SNRPD3: variants seen among roughly 807,000 people sequenced by gnomAD.
SNRPD3 encodes small nuclear ribonucleoprotein D3 polypeptide.
For missense variants in SNRPD3, 73 were observed against 167.5 expected, an observed-to-expected ratio of 0.44 and a Z score of 3.11; for synonymous variants, 66 against 58.4, an observed-to-expected ratio of 1.13 and a Z score of -0.59.
chr22:24,561,860 G>A (rs2045147229), intron 2 of SNRPD3, among the ~76,000 whole-genome samples: 1 of 150,906 alleles, frequency 6.6e-6, no homozygotes, highest in Non-Finnish European at 1.5e-5. Flanking sequence ...ATAGACGGAT[G>A]TGGTGGCACA....
chr22:24,557,473 A>G (rs1472140431), intron 1 of SNRPD3, among the ~76,000 whole-genome samples, 184 bp from the exon 2 acceptor site: 3 of 149,152 alleles, frequency 2.0e-5, no homozygotes, highest in African/African-American at 4.9e-5. Flanking sequence ...CATCTTGCAC[A>G]TATTTGCCAG....
chr22:24,557,996 A>G (rs1601563740), intron 2 of SNRPD3, 196 bp downstream of exon 2: 2 of 445,804 alleles, frequency 4.5e-6, no homozygotes, highest in East Asian at 3.9e-5. Context: ...TTGAGGCAGA[A>G]AAGCCATTTG....
Position 24,572,764 on chromosome 22 carries a change from A to G in SNRPD3, c.*787A>G, listed in dbSNP as rs1342914234. ...TGACAGAGCGAGACTGCACCTCAAA[A>G]AAAAAAAAGTAATTCAGGGGATCCT... On this transcript the variant is annotated 3_prime_UTR_variant, in exon 4 of 4. Coordinates refer to ENST00000215829, the MANE Select transcript of SNRPD3 (RefSeq NM_004175.5). The G allele has an allele frequency of 6.6e-6, 1 of 152,522 alleles. No homozygotes were observed. The highest frequency in any genetic ancestry group is 2.4e-5 in the African/African-American group (1 of 41,368). 9.4% of individuals were successfully genotyped at this position (152,522 alleles called of 1,614,324 possible).
At chr22:24,556,388 T>A (rs991727091) in intron 1 of SNRPD3, among the ~76,000 whole-genome samples, 2 of 151,402 alleles carry the variant, frequency 1.3e-5, no homozygotes, top group Non-Finnish European at 2.9e-5. Context: ...TTTTTTTTTT[T>A]TAAGTAGAGA....
At chr22:24,565,179 C>T (rs1400149083) in intron 2 of SNRPD3, among the ~76,000 whole-genome samples, 1 of 152,086 alleles carries the variant, frequency 6.6e-6, no homozygotes, top group Non-Finnish European at 1.5e-5. Context: ...ACCACTGTAC[C>T]TGGCCTGATT....
intron 1 of SNRPD3, among the ~76,000 whole-genome samples, chr22:24,557,259 A>G (rs2298386): frequency 0.73 from 110,983 of 152,082 alleles, 42,309 homozygotes; most frequent in East Asian, 0.85. Flanking sequence ...TCAAAACGTA[A>G]TCATCTACAA....
intron 3 of SNRPD3, among the ~76,000 whole-genome samples, chr22:24,571,478 C>T (rs2045248959): frequency 6.6e-6 from 1 of 152,124 alleles, no homozygotes; most frequent in Non-Finnish European, 1.5e-5. Context: ...TTGGCTTATG[C>T]TTGTAATCCT....
upstream of SNRPD3, chr22:24,555,782 T>C: frequency 6.5e-7 from 1 of 1,550,066 alleles, no homozygotes; most frequent in Non-Finnish European, 8.7e-7. Flanking sequence ...TCTGGCTCTT[T>C]GCCGGCCCCA....
chr22:24,558,605 G>A (rs956120827), intron 2 of SNRPD3, among the ~76,000 whole-genome samples: 8 of 152,134 alleles, frequency 5.3e-5, no homozygotes, highest in African/African-American at 1.9e-4. Flanking sequence ...GGTATTTATT[G>A]GGGGAAATGA....
rs531721176 is a variant in SNRPD3 at position 24,564,048 on chromosome 22, T to C, written c.127-3936T>C. Among the ~76,000 whole-genome samples, 13 of 152,338 alleles carry C rather than the reference T, an allele frequency of 8.5e-5. No individual in the cohort carries two copies. In the East Asian group the frequency reaches 2.5e-3, roughly 29 times the overall value. Reference sequence around the variant, plus strand: ...TTTTTTTTCCTGTACTGTTTGTGTGTGGATTGCATTCATCATGCTCCTCTA... The same window carrying C: ...TTTTTTTTCCTGTACTGTTTGTGTGCGGATTGCATTCATCATGCTCCTCTA... On this transcript the variant is annotated intron_variant, in intron 2 of 3. Coordinates refer to ENST00000215829, the MANE Select transcript of SNRPD3 (RefSeq NM_004175.5).
rs1416879641 is a variant in SNRPD3, at chr22:24,573,512, T to C, written c.*1535T>C. On this transcript the variant is annotated 3_prime_UTR_variant, in exon 4 of 4. Coordinates refer to ENST00000215829, the MANE Select transcript of SNRPD3 (RefSeq NM_004175.5). ...ATAAGCTTTGTCTTATGATACTACC[T>C]GGAGGTTACAGAGCTGGTATTCTGA... Among the ~76,000 whole-genome samples, 1 of 152,212 alleles carries C rather than the reference T, an allele frequency of 6.6e-6. No homozygotes were observed. Among genetic ancestry groups the C allele is most frequent in the Non-Finnish European group, 1.5e-5 (1 of 68,034 alleles).
chr22:24,555,653 A>T (rs1417007910), upstream of SNRPD3: 7 of 1,550,624 alleles, frequency 4.5e-6, no homozygotes, highest in South Asian at 7.1e-5. Context: ...TTGTGACGGG[A>T]AGTCCTGGCC....
At chr22:24,557,524 C>A in intron 1 of SNRPD3, 133 bp from the exon 2 acceptor site, 10 of 402,436 alleles carry the variant, frequency 2.5e-5, no homozygotes, top group Non-Finnish European at 4.3e-5. Flanking sequence ...TTTTTTTTTT[C>A]CTTGGTAGAA....
At chr22:24,565,302 T>C (rs940336996) in intron 2 of SNRPD3, among the ~76,000 whole-genome samples, 3 of 151,978 alleles carry the variant, frequency 2.0e-5, no homozygotes, top group Admixed American at 6.6e-5. Flanking sequence ...AGCAGGAGAA[T>C]AGAGGGAAAG....
At chr22:24,566,281 G>A (rs1459999231) in intron 2 of SNRPD3, among the ~76,000 whole-genome samples, 3 of 152,024 alleles carry the variant, frequency 2.0e-5, no homozygotes, top group Non-Finnish European at 4.4e-5. Flanking sequence ...AGTTTTGTTT[G>A]TTTTATTTTT....
upstream of SNRPD3, chr22:24,555,917 G>C (rs2045052324): frequency 9.0e-6 from 12 of 1,339,256 alleles, no homozygotes; most frequent in Admixed American, 6.1e-5. Context: ...GCGAGACCGC[G>C]CTCAACACTG....
At position 24,568,073 on chromosome 22, in the gene SNRPD3, T is replaced by C. The variant is rs2045213105; in HGVS notation, c.216T>C (p.Ile72=). 1.2e-6 allele frequency: 2 copies of C among 1,613,952 alleles called. No individual in the cohort carries two copies. The highest frequency in any genetic ancestry group is 1.7e-6 in the Non-Finnish European group (2 of 1,179,924). Residue 72 remains isoleucine (I), a synonymous_variant, in exon 3 of 4, where the codon ATT becomes ATC. Coordinates refer to ENST00000215829, the MANE Select transcript of SNRPD3 (RefSeq NM_004175.5). ...GTGGCAGCAAAATCCGCTTTCTGATTTTGCCTGACATGCTGAAGAACGCAC... is the reference window on the plus strand; with the variant it reads ...GTGGCAGCAAAATCCGCTTTCTGATCTTGCCTGACATGCTGAAGAACGCAC... The part of the protein sequence containing the change: ...YIRGSKIRFL[I]LPDMLKNAPM...
At chr22:24,567,929 TC>T in intron 2 of SNRPD3, 54 bp from the exon 3 acceptor site, 1 of 1,417,294 alleles carries the variant, frequency 7.1e-7, no homozygotes, top group Non-Finnish European at 9.7e-7. Flanking sequence ...GTCAAGGCCC[TC>T]CCCACCGCTG....
chr22:24,555,914 C>T (rs929916139), upstream of SNRPD3: 52 of 1,366,348 alleles, frequency 3.8e-5, no homozygotes, highest in Non-Finnish European at 4.6e-5. Flanking sequence ...GAGGCGAGAC[C>T]GCGCTCAACA....
Sources: gnomAD v4.1 joint callset for allele counts (sites outside exome capture counted in the v4.1 genomes callset) on GRCh38, gnomAD v4.1.1 for gene constraint, MANE v1.5 for transcripts, NCBI Gene and HGNC (gene_info 2026-07-23, HGNC 2026-07-21) for gene names.